Variants in CEP350 observed in about 807,000 individuals in gnomAD.
CEP350 encodes the protein centrosomal protein 350, also known as centrosome-associated protein 350.
A neutral mutation model predicts 331.8 loss-of-function variants in CEP350; 126 were observed. The ratio of observed to expected loss-of-function variants is 0.38; its 90% CI spans 0.33 to 0.44. CEP350 has a LOEUF of 0.44. Ranked by LOEUF, CEP350 falls within the 20% of genes least tolerant of loss-of-function variation. The probability of loss-of-function intolerance (pLI) is 1.00; values close to 1 mark genes in which losing one functional copy is unlikely to be tolerated. For synonymous variants in CEP350, 1,200 were observed against 1,259.5 expected, an observed-to-expected ratio of 0.95 and a Z score of 1.00; for missense variants, 3,406 against 3,634.6, an observed-to-expected ratio of 0.94 and a Z score of 1.62.
rs745544684 is a variant in CEP350, at chr1:180,004,958, CTCT to C, written c.1133-1495_1133-1493del. Among the ~76,000 whole-genome samples the C allele has an allele frequency of 1.1e-3, 135 of 123,758 alleles. 5 individuals are homozygous for C. Among genetic ancestry groups the C allele is most frequent in the Middle Eastern group, 4.0e-3 (1 of 248 alleles). 81.2% of individuals were successfully genotyped at this position (123,758 alleles called of 152,430 possible). Reference sequence around the variant, plus strand: ...TTCTTTCTTTCTTTCTTTCTTTCCCCTCTCTCTCTTTTTTTAAATTTCTTTTTT... The same window carrying C: ...TTCTTTCTTTCTTTCTTTCTTTCCCCCTCTCTTTTTTTAAATTTCTTTTTT... On this transcript the variant is annotated intron_variant, in intron 7 of 37. Coordinates refer to ENST00000367607, the MANE Select transcript of CEP350 (RefSeq NM_014810.5).
intron 6 of CEP350, among the ~76,000 whole-genome samples, chr1:180,002,159 A>G (rs1158598441): frequency 3.9e-5 from 6 of 152,136 alleles, no homozygotes; most frequent in South Asian, 4.1e-4. Context: ...GAGAATGCAA[A>G]ATGGTACAGC....
intron 25 of CEP350, among the ~76,000 whole-genome samples, chr1:180,059,803 A>G (rs1042776090): frequency 1.3e-4 from 20 of 152,246 alleles, no homozygotes; most frequent in African/African-American, 4.1e-4. Flanking sequence ...AAGCTTTCAC[A>G]CAAAAGTCAG....
intron 1 of CEP350, among the ~76,000 whole-genome samples, chr1:179,957,649 C>T (rs1225356267): frequency 6.6e-6 from 1 of 152,170 alleles, no homozygotes; most frequent in African/African-American, 2.4e-5. Context: ...AAGACTAGTT[C>T]TTAGTTCCTA....
chr1:179,987,281 G>C lies in CEP350; in HGVS notation c.115G>C (p.Ala39Pro). The C allele has an allele frequency of 2.6e-6, 4 of 1,546,316 alleles. No homozygotes were observed. The highest frequency in any genetic ancestry group is 3.6e-6 in the Non-Finnish European group (4 of 1,125,464). Reference protein sequence around the residue: ...TSWDALSQTKAALRHIENKLE... With the variant: ...TSWDALSQTKPALRHIENKLE... ...GTGGGATGCACTTTCTCAAACCAAGGCTGCTGTAAGTAGTTTTAGCTTCCA... is the reference window on the plus strand; with the variant it reads ...GTGGGATGCACTTTCTCAAACCAAGCCTGCTGTAAGTAGTTTTAGCTTCCA... The change falls in exon 3 of 38, where the codon GCT becomes CCT. Residue 39 changes from alanine to proline, a missense_variant. By Grantham distance (27) the Ala-to-Pro change is conservative (BLOSUM62 -1). Coordinates refer to ENST00000367607, the MANE Select transcript of CEP350 (RefSeq NM_014810.5).
At chr1:179,960,827 C>G (rs966711150) in intron 1 of CEP350, among the ~76,000 whole-genome samples, 3 of 151,904 alleles carry the variant, frequency 2.0e-5, no homozygotes, top group African/African-American at 7.3e-5. Context: ...CGATCTGCTA[C>G]TAAGTTGGTA....
chr1:180,018,378 T>C (rs936324213), intron 11 of CEP350, among the ~76,000 whole-genome samples: 2 of 152,156 alleles, frequency 1.3e-5, no homozygotes, highest in Non-Finnish European at 2.9e-5. Context: ...CATCAACATA[T>C]CACCTGCTAT....
intron 1 of CEP350, among the ~76,000 whole-genome samples, chr1:179,972,311 A>G (rs1172998744): frequency 3.9e-5 from 6 of 152,222 alleles, no homozygotes; most frequent in East Asian, 3.9e-4. Context: ...ATCCTCCTGA[A>G]CTTCAAGGTT....
chr1:180,111,281 G>T lies in CEP350; in HGVS notation c.*120G>T, dbSNP rs1661457862. On this transcript the variant is annotated 3_prime_UTR_variant, in exon 38 of 38. Coordinates refer to ENST00000367607, the MANE Select transcript of CEP350 (RefSeq NM_014810.5). ...TCTGGACCTTGTACTTATTCTTAAA[G>T]ACTACCAGTATGGAGTTCATAGGAC... 8.3e-7 allele frequency: 1 copy of T among 1,211,936 alleles called. No homozygotes were observed. The highest frequency in any genetic ancestry group is 1.5e-5 in the African/African-American group (1 of 65,866). 75.1% of individuals were successfully genotyped at this position (1,211,936 alleles called of 1,614,324 possible).
chr1:179,965,245 C>T lies in CEP350; in HGVS notation c.-14+10103C>T, dbSNP rs187470560. Reference sequence around the variant, plus strand: ...GGTATTGATTTCTAATTTTATTCTACTGTAGTCTGATAATATGCTTGACAT... The same window carrying T: ...GGTATTGATTTCTAATTTTATTCTATTGTAGTCTGATAATATGCTTGACAT... On this transcript the variant is annotated intron_variant, in intron 1 of 37. Coordinates refer to ENST00000367607, the MANE Select transcript of CEP350 (RefSeq NM_014810.5). Among the ~76,000 whole-genome samples, 198 of 152,176 alleles carry T rather than the reference C, an allele frequency of 1.3e-3. 3 individuals carry two copies. Among genetic ancestry groups the T allele is most frequent in the Non-Finnish European group, 2.4e-4 (16 of 68,002 alleles).
intron 1 of CEP350, among the ~76,000 whole-genome samples, chr1:179,984,279 A>G (rs566074365): frequency 3.5e-4 from 54 of 152,352 alleles, no homozygotes; most frequent in African/African-American, 1.2e-3. Context: ...AGCATTTGTG[A>G]TCTCACATTT....
At chr1:180,089,734 T>C (rs892752503) in intron 32 of CEP350, among the ~76,000 whole-genome samples, 2 of 152,194 alleles carry the variant, frequency 1.3e-5, no homozygotes, top group East Asian at 1.9e-4. Flanking sequence ...AGGCTTATGA[T>C]TTTGGTTTTA....
intron 32 of CEP350, among the ~76,000 whole-genome samples, chr1:180,088,010 A>G (rs1659960886): frequency 6.6e-6 from 1 of 152,148 alleles, no homozygotes; most frequent in African/African-American, 2.4e-5. Context: ...TGAAAAAAAC[A>G]GTTTGGCTAT....
At chr1:180,039,925 A>G (rs778223955) in intron 17 of CEP350, among the ~76,000 whole-genome samples, 5 of 151,940 alleles carry the variant, frequency 3.3e-5, no homozygotes, top group Non-Finnish European at 5.9e-5. Flanking sequence ...ATATTTTTCT[A>G]TTTATTTAAA....
At chr1:180,054,570 TG>T (rs1308613110) in intron 25 of CEP350, 68 bp downstream of exon 25, 2 of 1,175,038 alleles carry the variant, frequency 1.7e-6, no homozygotes, top group African/African-American at 3.0e-5. Context: ...TCTATTATTT[TG>T]CCTGATTTCT....
chr1:180,038,825 C>T (rs550945571), intron 17 of CEP350, among the ~76,000 whole-genome samples: 1 of 152,248 alleles, frequency 6.6e-6, no homozygotes, highest in Non-Finnish European at 1.5e-5. Context: ...TATCTTTTCA[C>T]TTTTTAAACT....
In CEP350 at chr1:180,046,335, A is replaced by G. The variant is rs188826364; in HGVS notation, c.4622+2162A>G. 2.0e-5 allele frequency among the ~76,000 whole-genome samples: 3 copies of G among 152,326 alleles called. No individual in the cohort carries two copies. In the East Asian group the frequency reaches 5.8e-4, roughly 29 times the overall value. ...TTTTTTATATAAATGGCATCATTAC[A>G]GTATGTGGCCCTTTGTAACTGACTT... is the stretch of plus-strand genomic sequence containing the variant. On this transcript the variant is annotated intron_variant, in intron 21 of 37. Transcript: ENST00000367607.
rs377126502 is a variant in CEP350, at chr1:180,022,777, A to T, written c.3315A>T (p.Ser1105=). 5.6e-6 allele frequency: 9 copies of T among 1,608,278 alleles called. No individual in the cohort carries two copies. In the East Asian group the frequency reaches 1.8e-4, roughly 32 times the overall value. ...NATATPLSGV[S]YEDDFVSSPG... ...CCGCAACTCCTCTAAGTGGTGTTTC[A>T]TATGAAGATGATTTTGTCTCCTCTC... is the stretch of plus-strand genomic sequence containing the variant. Residue 1105 remains serine, a synonymous_variant, in exon 13 of 38, where the codon TCA becomes TCT. Coordinates refer to ENST00000367607, the MANE Select transcript of CEP350 (RefSeq NM_014810.5).
At position 180,096,099 on chromosome 1, in the gene CEP350, A is replaced by G; in HGVS notation, c.8981A>G (p.Asn2994Ser). The G allele has an allele frequency of 6.4e-7, 1 of 1,558,740 alleles. No individual in the cohort carries two copies. Residue 2994 changes from asparagine (N) to serine (S), a missense_variant, in exon 36 of 38, where the codon AAT (asparagine) becomes AGT (serine). Physicochemically the swap from Asn to Ser is conservative, Grantham distance 46. Coordinates refer to ENST00000367607, the MANE Select transcript of CEP350 (RefSeq NM_014810.5). Reference sequence around the variant, plus strand: ...ATATTTGCTGAGGATCCCAACTTAAATCAACCTGTCTGGATGAAGCCATGT... The same window carrying G: ...ATATTTGCTGAGGATCCCAACTTAAGTCAACCTGTCTGGATGAAGCCATGT... ...EEIFAEDPNL[N>S]QPVWMKPCRI...
intron 17 of CEP350, among the ~76,000 whole-genome samples, 167 bp downstream of exon 17, chr1:180,037,256 TAC>T (rs936716427): frequency 3.3e-5 from 5 of 152,128 alleles, no homozygotes; most frequent in African/African-American, 1.2e-4. Context: ...ACTAAAAAGA[TAC>T]AGTGTTTGGC....
Sources: allele counts gnomAD v4.1 joint callset (sites outside exome capture counted in the v4.1 genomes callset), GRCh38; gene constraint gnomAD v4.1.1; transcripts MANE v1.5; gene names NCBI Gene and HGNC (gene_info 2026-07-23, HGNC 2026-07-21).